The following BICRAL variants were observed in gnomAD, a reference collection of about 807,000 sequenced individuals.
BICRAL encodes the protein BICRA like chromatin remodeling complex associated protein.
BICRAL carries 8 observed loss-of-function variants against 91.8 expected under a neutral mutation model. The ratio of observed to expected loss-of-function variants is 0.09; its 90% CI spans 0.05 to 0.16. The LOEUF (loss-of-function observed/expected upper bound fraction) is 0.16. BICRAL is among the 10% of genes least tolerant of loss of function. The pLI is 1.00. For missense variants in BICRAL, 1,038 were observed against 1,310.9 expected, an observed-to-expected ratio of 0.79 and a Z score of 3.21; for synonymous variants, 445 against 491.1, an observed-to-expected ratio of 0.91 and a Z score of 1.24.
At chr6:42,802,129 T>G (rs1302171360) in intron 1 of BICRAL, among the ~76,000 whole-genome samples, 1 of 151,800 alleles carries the variant, frequency 6.6e-6, no homozygotes, top group Non-Finnish European at 1.5e-5. Context: ...TTTTAAAAAT[T>G]AGTACAGTGG....
upstream of BICRAL, among the ~76,000 whole-genome samples, chr6:42,780,390 TAG>T (rs1762880606): frequency 6.6e-6 from 1 of 152,148 alleles, no homozygotes; most frequent in Non-Finnish European, 1.5e-5. Flanking sequence ...AATTTTAATC[TAG>T]AGAGAGTTTT....
At chr6:42,846,375 TAAAATA>T (rs1765011070) in intron 6 of BICRAL, among the ~76,000 whole-genome samples, 2 of 150,438 alleles carry the variant, frequency 1.3e-5, no homozygotes, top group Admixed American at 1.3e-4. Flanking sequence ...CTCAAAAAAA[TAAAATA>T]AACAATAAGT....
chr6:42,852,698 A>G lies in BICRAL; in HGVS notation c.1945+501A>G, dbSNP rs1045487026. Among the ~76,000 whole-genome samples the G allele has an allele frequency of 6.7e-4, 101 of 151,800 alleles. 1 individual carries two copies. The highest frequency in any genetic ancestry group is 2.4e-3 in the African/African-American group (98 of 41,406). On this transcript the variant is annotated intron_variant, in intron 7 of 12. Transcript: ENST00000314073. Reference sequence around the variant, plus strand: ...AAAAAAACCCCACTAAGATAGCATCAATTGTAAGATGTACTATCATTTTTT... The same window carrying G: ...AAAAAAACCCCACTAAGATAGCATCGATTGTAAGATGTACTATCATTTTTT...
intron 6 of BICRAL, among the ~76,000 whole-genome samples, chr6:42,833,734 G>T (rs953217819): frequency 2.0e-5 from 3 of 151,850 alleles, no homozygotes; most frequent in Non-Finnish European, 2.9e-5. Flanking sequence ...TATGGTCCAG[G>T]ATCCACCCAG....
At chr6:42,814,947 A>G (rs939191774) in intron 2 of BICRAL, among the ~76,000 whole-genome samples, 13 of 149,608 alleles carry the variant, frequency 8.7e-5, no homozygotes, top group African/African-American at 3.2e-4. Context: ...GTCTCACTCT[A>G]TCACCCAGGC....
chr6:42,843,964 AT>A (rs564638855), intron 6 of BICRAL, among the ~76,000 whole-genome samples: 2,002 of 132,198 alleles, frequency 0.015, 15 homozygotes, highest in Middle Eastern at 0.035. Flanking sequence ...ATGCCGGCTA[AT>A]TTTTTTTTTT....
rs763271777 is a variant in BICRAL at position 42,828,600 on chromosome 6, C to T, written c.267C>T (p.Leu89=). 5.0e-6 allele frequency: 8 copies of T among 1,613,920 alleles called. No individual in the cohort carries two copies. Among genetic ancestry groups the T allele is most frequent in the Non-Finnish European group, 6.8e-6 (8 of 1,180,000 alleles). ...GCCTCCAGTTTCTTGAAGATGAACT[C>T]GAGTCTTCTCCTCTTCCTGATCTCA... is the stretch of plus-strand genomic sequence containing the variant. ...SSSLQFLEDE[L]ESSPLPDLTE... Residue 89 remains leucine (L), a synonymous_variant, in exon 6 of 13, where the codon CTC becomes CTT. Transcript: ENST00000314073.
At chr6:42,802,087 C>T (rs190717819) in intron 1 of BICRAL, among the ~76,000 whole-genome samples, 130 of 152,110 alleles carry the variant, frequency 8.5e-4, no homozygotes, top group Non-Finnish European at 1.5e-3. Flanking sequence ...CCAGCCTGGG[C>T]AACATGGTGA....
chr6:42,810,089 A>G (rs747563968), intron 1 of BICRAL, among the ~76,000 whole-genome samples: 5 of 152,150 alleles, frequency 3.3e-5, no homozygotes, highest in Non-Finnish European at 4.4e-5. Context: ...GCCCGGCCAA[A>G]TTTTTAAATT....
At position 42,829,684 on chromosome 6, in the gene BICRAL, A is replaced by G; in HGVS notation, c.1351A>G (p.Met451Val). 2 of 1,614,218 alleles carry G rather than the reference A, an allele frequency of 1.2e-6. No homozygotes were observed. Among genetic ancestry groups the G allele is most frequent in the Non-Finnish European group, 1.7e-6 (2 of 1,180,044 alleles). Residue 451 changes from methionine (M) to valine (V), a missense_variant, in exon 6 of 13, where the codon ATG becomes GTG. Transcript: ENST00000314073. ...HVMLNRNSSN[M>V]LRTNQPYTGP... ...CATGTTGAACAGAAACTCTTCCAAC[A>G]TGCTCAGGACCAACCAACCATATAC...
At chr6:42,769,239 C>T (rs961203686) in intron 1 of BICRAL, among the ~76,000 whole-genome samples, 4 of 152,200 alleles carry the variant, frequency 2.6e-5, no homozygotes, top group Non-Finnish European at 5.9e-5. Context: ...ACCCGTGAGG[C>T]GGTCTGGCTA....
chr6:42,857,285 C>T (rs1460444521), intron 10 of BICRAL, 49 bp downstream of exon 10: 2 of 1,496,748 alleles, frequency 1.3e-6, no homozygotes. Context: ...AGGAAACCCT[C>T]CATGGACACC....
Position 42,866,494 on chromosome 6 carries a change from G to A in BICRAL, c.*1048G>A, listed in dbSNP as rs1030939183. 3 of 176,118 alleles carry A rather than the reference G, an allele frequency of 1.7e-5. No individual in the cohort carries two copies. Among genetic ancestry groups the A allele is most frequent in the Non-Finnish European group, 3.7e-5 (3 of 81,740 alleles). The allele number at this position is 176,118 out of a possible 1,614,324, so 10.9% of individuals were successfully genotyped here. ...CCAAGCATCAAAAGCACTTTCATTT[G>A]AAAATTATTATGTTGTAATTTTTCA... is the stretch of plus-strand genomic sequence containing the variant. On this transcript the variant is annotated 3_prime_UTR_variant, in exon 13 of 13. Coordinates refer to ENST00000314073, the MANE Select transcript of BICRAL (RefSeq NM_001393499.1).
chr6:42,844,495 C>A (rs1174281496), intron 6 of BICRAL, among the ~76,000 whole-genome samples: 2 of 89,100 alleles, frequency 2.2e-5, no homozygotes, highest in South Asian at 8.2e-4. Flanking sequence ...GGCTACAGAG[C>A]AAGACTCCAT....
At chr6:42,811,494 G>T (rs1047168105) in intron 2 of BICRAL, among the ~76,000 whole-genome samples, 1 of 152,096 alleles carries the variant, frequency 6.6e-6, no homozygotes, top group African/African-American at 2.4e-5. Flanking sequence ...GGTGGCGCAC[G>T]CCTGTAATCC....
intron 1 of BICRAL, among the ~76,000 whole-genome samples, chr6:42,794,461 A>G (rs545670835): frequency 6.0e-5 from 9 of 148,946 alleles, no homozygotes; most frequent in African/African-American, 2.2e-4. Context: ...GTGTTTGGCT[A>G]TGTACCCATG....
At chr6:42,753,145 T>G (rs1422046252) in intron 1 of BICRAL, among the ~76,000 whole-genome samples, 1 of 152,008 alleles carries the variant, frequency 6.6e-6, no homozygotes, top group Non-Finnish European at 1.5e-5. Context: ...CAGGCTGGTC[T>G]CGAACTCCTG....
At chr6:42,783,698 A>G (rs115440427) in intron 1 of BICRAL, among the ~76,000 whole-genome samples, 1,739 of 152,316 alleles carry the variant, frequency 0.011, 26 homozygotes, top group African/African-American at 0.04. Flanking sequence ...CGGAGCGGGA[A>G]GGGCTGGGGC....
At chr6:42,765,077 G>T (rs574724277) in intron 1 of BICRAL, among the ~76,000 whole-genome samples, 1 of 152,306 alleles carries the variant, frequency 6.6e-6, no homozygotes, top group African/African-American at 2.4e-5. Context: ...TCATTACAAC[G>T]CTGTAGCAAT....
Sources: gnomAD v4.1 joint callset for allele counts (sites outside exome capture counted in the v4.1 genomes callset) on GRCh38, gnomAD v4.1.1 for gene constraint, MANE v1.5 for transcripts, NCBI Gene and HGNC (gene_info 2026-07-23, HGNC 2026-07-21) for gene names.